Variants in ASB16 observed in about 807,000 individuals in gnomAD.
ASB16 encodes ankyrin repeat and SOCS box containing 16, also known as ankyrin repeat and SOCS box protein 16.
ASB16 carries 44 observed loss-of-function variants against 39.1 expected under a neutral mutation model. The ratio of observed to expected loss-of-function variants is 1.13; its 90% confidence interval spans 0.88 to 1.45. ASB16 has a LOEUF of 1.45. ASB16 is among the 40% of genes most tolerant of loss of function. ASB16 has a pLI of 0.00. For missense variants in ASB16, 698 were observed against 634.5 expected (o/e 1.10, Z -1.07); for synonymous variants, 305 against 286.7 (o/e 1.06, Z -0.64).
At chr17:44,177,457 AGGGTGGGGTAGACAGAG>A in intron 3 of ASB16, 135 bp from the exon 4 acceptor site, 6 of 1,153,780 alleles carry the variant, frequency 5.2e-6, no homozygotes, top group Non-Finnish European at 7.3e-6. Context: ...AGCATACTTG[AGGGTGGGGTAGACAGAG>A]GCACAAAAAA....
At position 44,178,227 on chromosome 17, in the gene ASB16, C is replaced by G; in HGVS notation, c.1199C>G (p.Ser400Trp). 6.2e-7 allele frequency: 1 copy of G among 1,613,420 alleles called. No homozygotes were observed. ...TAGGAGCACGAAGCCTTCTACAGCT[C>G]GGCCCTGTGCATGGTGAACCAGCCA... ...LWKEHEAFYS[S>W]ALCMVNQPRQ... The change falls in exon 5 of 5, where the codon TCG becomes TGG. Residue 400 changes from serine (S) to tryptophan (W), a missense_variant. Physicochemically the swap from Ser to Trp is radical, Grantham distance 177 (BLOSUM62 -3). Coordinates refer to ENST00000293414, the MANE Select transcript of ASB16 (RefSeq NM_080863.5).
At chr17:44,177,348 AG>A in intron 3 of ASB16, 118 bp downstream of exon 3, 2 of 1,375,400 alleles carry the variant, frequency 1.5e-6, no homozygotes, top group Non-Finnish European at 1.9e-6. Flanking sequence ...CTCAGTGGCC[AG>A]GGGGCTGTCC....
intron 2 of ASB16, among the ~76,000 whole-genome samples, chr17:44,174,617 C>T (rs1486309959): frequency 6.6e-6 from 1 of 152,118 alleles, no homozygotes; most frequent in African/African-American, 2.4e-5. Flanking sequence ...GAAGACTCTC[C>T]ACTGCCCACA....
chr17:44,178,316 G>A lies in ASB16; in HGVS notation c.1288G>A (p.Gly430Ser), dbSNP rs201772626. Residue 430 changes from glycine (G) to serine (S), a missense_variant, in exon 5 of 5, where the codon GGT becomes AGT. Physicochemically the swap from Gly to Ser is moderately conservative, Grantham distance 56. Transcript: ENST00000293414. ...RARLGSRCRQ[G>S]ATRLPLPPLL... ...TCGGTTGGGAAGCCGCTGCCGGCAG[G>A]GTGCCACCCGGCTGCCACTGCCCCC... 1.2e-6 allele frequency: 2 copies of A among 1,611,642 alleles called. No individual in the cohort carries two copies. The highest frequency in any genetic ancestry group is 1.7e-6 in the Non-Finnish European group (2 of 1,179,434).
Position 44,172,078 on chromosome 17 carries a change from A to T in ASB16, c.334A>T (p.Thr112Ser), listed in dbSNP as rs1158810264. Residue 112 changes from threonine (T) to serine (S), a missense_variant, in exon 2 of 5, where the codon ACG becomes TCG. Transcript: ENST00000293414. ...GGTGCTGACCCCCAAGACCAAGCAG[A>T]CGGCACCCCTCGCCATCGCTACAGC... Reference protein sequence around the residue: ...FWVLTPKTKQTAPLAIATARG... With the variant: ...FWVLTPKTKQSAPLAIATARG... 1 of 1,611,978 alleles carries T rather than the reference A, an allele frequency of 6.2e-7. No individual in the cohort carries two copies. Among genetic ancestry groups the T allele is most frequent in the East Asian group, 2.2e-5 (1 of 44,850 alleles).
intron 2 of ASB16, among the ~76,000 whole-genome samples, chr17:44,174,037 A>AT (rs1157730462): frequency 0.42 from 47,859 of 114,692 alleles, 11,821 homozygotes; most frequent in East Asian, 0.76. Context: ...ACACCTGGCT[A>AT]TTTTTTTTTT....
At chr17:44,173,015 G>A (rs1224867169) in intron 2 of ASB16, among the ~76,000 whole-genome samples, 1 of 146,466 alleles carries the variant, frequency 6.8e-6, no homozygotes, top group Non-Finnish European at 1.5e-5. Flanking sequence ...CACAAGAATC[G>A]CTTGAACCCG....
intron 2 of ASB16, among the ~76,000 whole-genome samples, chr17:44,173,831 G>C (rs755702311): frequency 1.3e-5 from 2 of 152,082 alleles, no homozygotes; most frequent in Non-Finnish European, 1.5e-5. Flanking sequence ...AGTGGGAAGA[G>C]AGGTATGGGG....
At position 44,177,242 on chromosome 17, in the gene ASB16, G is replaced by C. The variant is rs201187731; in HGVS notation, c.1062+12G>C. The stretch of plus-strand genomic sequence containing the variant: ...CAGTGCGCCCTGAGGTGCGCTGGGA[G>C]GCCCTGACATAGGAGGCTCCTGTGT... On this transcript the variant is annotated intron_variant, in intron 3 of 4. Transcript: ENST00000293414. The C allele has an allele frequency of 2.7e-4, 416 of 1,528,018 alleles. 3 individuals are homozygous for C. In the East Asian group the frequency reaches 9.5e-3, roughly 35 times the overall value. 94.7% of individuals were successfully genotyped at this position (1,528,018 alleles called of 1,614,324 possible). A position where few individuals can be genotyped will look rare whatever the true frequency, so the allele number is the denominator to read the frequency against.
At position 44,178,414 on chromosome 17, in the gene ASB16, G is replaced by C. The variant is rs1179582384; in HGVS notation, c.*24G>C. 1 of 1,554,468 alleles carries C rather than the reference G, an allele frequency of 6.4e-7. No individual in the cohort carries two copies. The highest frequency in any genetic ancestry group is 1.4e-5 in the African/African-American group (1 of 73,858). On this transcript the variant is annotated 3_prime_UTR_variant, in exon 5 of 5. Coordinates refer to ENST00000293414, the MANE Select transcript of ASB16 (RefSeq NM_080863.5). Reference sequence around the variant, plus strand: ...GAACCCCATGTCAGGCTGTCCCATGGTGTGTTCTGCCCCTCCCACCTGTCC... The same window carrying C: ...GAACCCCATGTCAGGCTGTCCCATGCTGTGTTCTGCCCCTCCCACCTGTCC...
intron 2 of ASB16, among the ~76,000 whole-genome samples, chr17:44,173,635 C>G (rs2054261069): frequency 1.3e-5 from 2 of 151,980 alleles, no homozygotes; most frequent in Admixed American, 1.3e-4. Flanking sequence ...CAAGACCAGA[C>G]TGGGAAACAT....
At chr17:44,176,040 AAAATTTTGTGCTATCAAAATGTTAGG>A (rs2054285368) in intron 2 of ASB16, 2 of 152,184 alleles carry the variant, frequency 1.3e-5, no homozygotes, top group Admixed American at 6.6e-5. Context: ...GTGGGTTTTC[AAAATTTTGTGCTATCAAAATGTTAGG>A]AGATAAGGCC....
At chr17:44,176,621 G>A in intron 2 of ASB16, 117 bp from the exon 3 acceptor site, 1 of 1,438,676 alleles carries the variant, frequency 7.0e-7, no homozygotes, top group African/African-American at 1.4e-5. Context: ...TTCTCATGGA[G>A]GACACCAGGT....
rs1434213232 is a variant in ASB16 at position 44,170,894 on chromosome 17, G to A, written c.105G>A (p.Gln35=). 2 of 1,612,030 alleles carry A rather than the reference G, an allele frequency of 1.2e-6. No individual in the cohort carries two copies. Among genetic ancestry groups the A allele is most frequent in the Non-Finnish European group, 1.7e-6 (2 of 1,179,702 alleles). The change falls in exon 1 of 5, where the codon CAG becomes CAA. Residue 35 remains glutamine, a synonymous_variant. Transcript: ENST00000293414. The part of the protein sequence containing the change: ...WEDRRRAAAQ[Q]CRSRRCPSSP... ...ACCGGCGGCGGGCGGCTGCCCAGCA[G>A]TGCCGGAGCCGCAGGTGCCCGTCAA...
intron 2 of ASB16, among the ~76,000 whole-genome samples, chr17:44,174,216 T>C (rs1419029153): frequency 6.6e-6 from 1 of 151,952 alleles, no homozygotes; most frequent in East Asian, 1.9e-4. Context: ...ATTTTTTTTT[T>C]CTGTATTTTT....
intron 4 of ASB16, chr17:44,177,953 C>G: frequency 1.5e-6 from 1 of 683,558 alleles, no homozygotes. Flanking sequence ...TATCTGGCAT[C>G]TCTTAACTTG....
Position 44,172,036 on chromosome 17 carries a change from C to T in ASB16, c.302-10C>T, listed in dbSNP as rs2054246684. The T allele has an allele frequency of 6.2e-7, 1 of 1,604,026 alleles. No homozygotes were observed. The highest frequency in any genetic ancestry group is 1.3e-5 in the African/African-American group (1 of 74,818). Reference sequence around the variant, plus strand: ...ATACACCACCTCCCAAAACTATTTGCTCTCCCTAGGGTTCTGGGTGCTGAC... The same window carrying T: ...ATACACCACCTCCCAAAACTATTTGTTCTCCCTAGGGTTCTGGGTGCTGAC... On this transcript the variant is annotated splice_polypyrimidine_tract_variant and intron_variant, in intron 1 of 4. Transcript: ENST00000293414.
rs1343237303 is a variant in ASB16, at chr17:44,178,644, G to A, written c.*254G>A. 2 of 506,730 alleles carry A rather than the reference G, an allele frequency of 3.9e-6. No homozygotes were observed. The highest frequency in any genetic ancestry group is 3.7e-5 in the Admixed American group (1 of 27,230). 31.4% of individuals were successfully genotyped at this position (506,730 alleles called of 1,614,324 possible). A position where few individuals can be genotyped will look rare whatever the true frequency, so the allele number is the denominator to read the frequency against. On this transcript the variant is annotated 3_prime_UTR_variant, in exon 5 of 5. Coordinates refer to ENST00000293414, the MANE Select transcript of ASB16 (RefSeq NM_080863.5). ...TGAGTCACCACACCTGGCTGATTTT[G>A]TATTTTTAGTAGAGACAGGGTCTCA...
chr17:44,174,832 G>T (rs1179125681), intron 2 of ASB16, among the ~76,000 whole-genome samples: 1 of 152,144 alleles, frequency 6.6e-6, no homozygotes, highest in Non-Finnish European at 1.5e-5. Context: ...AGCCGGGCGT[G>T]GTGACTAACA....
Sources: gnomAD v4.1 joint callset for allele counts (sites outside exome capture counted in the v4.1 genomes callset) on GRCh38, gnomAD v4.1.1 for gene constraint, MANE v1.5 for transcripts, NCBI Gene and HGNC (gene_info 2026-07-23, HGNC 2026-07-21) for gene names.